MLLT3: variants seen among roughly 807,000 people sequenced by gnomAD.
MLLT3 encodes protein AF-9.
Under a neutral mutation model 53.2 loss-of-function variants are expected in MLLT3, and 4 were observed. That is an observed-to-expected ratio of 0.08 (90% CI 0.04 to 0.17). The LOEUF is 0.17. Ranked by LOEUF, MLLT3 falls within the 10% of genes least tolerant of loss-of-function variation. MLLT3 has a pLI of 1.00. For synonymous variants in MLLT3, 283 were observed against 230.6 expected, an observed-to-expected ratio of 1.23 and a Z score of -2.06; for missense variants, 569 against 684.0, an observed-to-expected ratio of 0.83 and a Z score of 1.87.
intron 4 of MLLT3, among the ~76,000 whole-genome samples, chr9:20,444,369 C>T (rs181766246): frequency 3.1e-4 from 47 of 152,200 alleles, no homozygotes; most frequent in Non-Finnish European, 5.6e-4. Flanking sequence ...AATTAAAAGA[C>T]ATATTATGTT....
intron 2 of MLLT3, among the ~76,000 whole-genome samples, chr9:20,459,275 A>G (rs1361176875): frequency 6.6e-6 from 1 of 152,256 alleles, no homozygotes; most frequent in Non-Finnish European, 1.5e-5. Context: ...GACATCTCAC[A>G]TGACCTTATA....
chr9:20,525,537 T>C (rs905522150), intron 2 of MLLT3, among the ~76,000 whole-genome samples: 2 of 152,126 alleles, frequency 1.3e-5, no homozygotes, highest in Non-Finnish European at 2.9e-5. Flanking sequence ...TTTTTTACAG[T>C]ACTGAGGTTT....
chr9:20,356,298 AC>A (rs1821170268), intron 8 of MLLT3, among the ~76,000 whole-genome samples: 1 of 152,322 alleles, frequency 6.6e-6, no homozygotes, highest in South Asian at 2.1e-4. Flanking sequence ...GACCAGGCTA[AC>A]TTAAAATACA....
chr9:20,608,767 TA>T (rs1820631265), intron 2 of MLLT3, among the ~76,000 whole-genome samples: 1 of 152,024 alleles, frequency 6.6e-6, no homozygotes, highest in Admixed American at 6.6e-5. Context: ...TGCCCATACA[TA>T]CATTTAAATA....
At chr9:20,391,356 C>T (rs943102056) in intron 5 of MLLT3, among the ~76,000 whole-genome samples, 17 of 152,146 alleles carry the variant, frequency 1.1e-4, no homozygotes, top group African/African-American at 3.6e-4. Context: ...AGATTGTGAT[C>T]AACAAGGTAA....
rs533285315 is a variant in MLLT3 at position 20,488,359 on chromosome 9, A to C, written c.194-31573T>G. Among the ~76,000 whole-genome samples the C allele has an allele frequency of 2.0e-5, 3 of 152,240 alleles. No homozygotes were observed. The South Asian group carries it at 6.2e-4, about 32-fold the overall frequency. ...ACTTAAAAAATGGTGAAAATGGCAA[A>C]TCTAATGTTATATATTTTTACCACA... is the stretch of plus-strand genomic sequence containing the variant. On this transcript the variant is annotated intron_variant, in intron 2 of 10. Transcript: ENST00000380338.
At chr9:20,601,617 A>T (rs1287622958) in intron 2 of MLLT3, among the ~76,000 whole-genome samples, 1 of 152,228 alleles carries the variant, frequency 6.6e-6, no homozygotes, top group Non-Finnish European at 1.5e-5. Context: ...AACTGCAAAC[A>T]GAAAGAAGTG....
rs984863378 is a variant in MLLT3 at position 20,456,849 on chromosome 9, T to TA, written c.194-64dup. The TA allele has an allele frequency of 7.4e-3, 7,874 of 1,064,712 alleles. 5 individuals carry two copies. The highest frequency in any genetic ancestry group is 0.014 in the African/African-American group (844 of 59,834). 66.0% of individuals were successfully genotyped at this position (1,064,712 alleles called of 1,614,324 possible). A position where few individuals can be genotyped will look rare whatever the true frequency, so the allele number is the denominator to read the frequency against. ...AATAGACAAAAAGACATTCTTCTTT[T>TA]AAAAAAAAAAATCCCATTCTACCAT... On this transcript the variant is annotated intron_variant, in intron 2 of 10. Coordinates refer to ENST00000380338, the MANE Select transcript of MLLT3 (RefSeq NM_004529.4).
chr9:20,541,595 C>G (rs1214139948), intron 2 of MLLT3, among the ~76,000 whole-genome samples: 1 of 152,104 alleles, frequency 6.6e-6, no homozygotes, highest in African/African-American at 2.4e-5. Context: ...TATCATAAGG[C>G]CCGCATAGGG....
At chr9:20,430,317 T>A (rs936776628) in intron 4 of MLLT3, among the ~76,000 whole-genome samples, 1 of 152,078 alleles carries the variant, frequency 6.6e-6, no homozygotes, top group Non-Finnish European at 1.5e-5. Context: ...GAGTCTAAAA[T>A]GTATATGAAG....
intron 2 of MLLT3, among the ~76,000 whole-genome samples, chr9:20,494,206 T>A (rs1825020459): frequency 6.6e-6 from 1 of 152,132 alleles, no homozygotes; most frequent in Admixed American, 6.5e-5. Flanking sequence ...TAGGAATTCT[T>A]TTATCAGCCT....
At chr9:20,423,652 T>TAAAA (rs57054758) in intron 4 of MLLT3, among the ~76,000 whole-genome samples, 1 of 144,530 alleles carries the variant, frequency 6.9e-6, no homozygotes, top group African/African-American at 2.5e-5. Flanking sequence ...ATCTCTACAT[T>TAAAA]AAAAAAAAAA....
intron 2 of MLLT3, among the ~76,000 whole-genome samples, chr9:20,559,472 A>C (rs1005079441): frequency 1.3e-5 from 2 of 152,242 alleles, no homozygotes; most frequent in African/African-American, 4.8e-5. Context: ...AGCACTCCGG[A>C]AGAATAAAAC....
chr9:20,383,275 C>T (rs776779309), intron 5 of MLLT3, among the ~76,000 whole-genome samples: 1 of 151,890 alleles, frequency 6.6e-6, no homozygotes, highest in Non-Finnish European at 1.5e-5. Flanking sequence ...TTTAAAATGT[C>T]AAACAATTTT....
In MLLT3 at chr9:20,420,863, T is replaced by G. The variant is rs957155999; in HGVS notation, c.421-6438A>C. On this transcript the variant is annotated intron_variant, in intron 4 of 10. Transcript: ENST00000380338. The stretch of plus-strand genomic sequence containing the variant: ...TTGAATAAAGTTCAGAAGTTTTATA[T>G]GTATCCATAGAACACTGATAAAAAT... 4.9e-4 allele frequency among the ~76,000 whole-genome samples: 75 copies of G among 152,332 alleles called. 1 individual carries two copies. Among genetic ancestry groups the G allele is most frequent in the East Asian group, 1.9e-4 (1 of 5,190 alleles).
chr9:20,407,650 T>C (rs1231928545), intron 5 of MLLT3, among the ~76,000 whole-genome samples: 1 of 152,186 alleles, frequency 6.6e-6, no homozygotes, highest in African/African-American at 2.4e-5. Flanking sequence ...TCCTCTTAGG[T>C]AGGTACACTA....
At chr9:20,519,406 T>C (rs1817999886) in intron 2 of MLLT3, among the ~76,000 whole-genome samples, 1 of 152,196 alleles carries the variant, frequency 6.6e-6, no homozygotes, top group African/African-American at 2.4e-5. Flanking sequence ...TTTATTTATA[T>C]GTCATCACTT....
chr9:20,472,701 A>G (rs374931491), intron 2 of MLLT3, among the ~76,000 whole-genome samples: 17 of 152,234 alleles, frequency 1.1e-4, no homozygotes, highest in African/African-American at 3.8e-4. Context: ...AAAGCTTTTC[A>G]TAAGCTATAA....
At chr9:20,537,918 T>C (rs1183921662) in intron 2 of MLLT3, among the ~76,000 whole-genome samples, 2 of 152,192 alleles carry the variant, frequency 1.3e-5, no homozygotes, top group Non-Finnish European at 2.9e-5. Context: ...TTTTAAAAAC[T>C]AATTACAAAT....
Sources: gnomAD v4.1 joint callset for allele counts (sites outside exome capture counted in the v4.1 genomes callset) on GRCh38, gnomAD v4.1.1 for gene constraint, MANE v1.5 for transcripts, NCBI Gene and HGNC (gene_info 2026-07-23, HGNC 2026-07-21) for gene names.